The following PER3 variants were observed in gnomAD, a reference collection of about 807,000 sequenced individuals.
PER3 encodes period circadian protein homolog 3.
Under a neutral mutation model 127.2 loss-of-function variants are expected in PER3, and 107 were observed. The observed-to-expected ratio is 0.84, with a 90% CI of 0.72 to 0.99. The LOEUF (loss-of-function observed/expected upper bound fraction) is 0.99. PER3 is among the 50% of genes least tolerant of loss of function. The pLI is 0.00. For missense variants in PER3, 1,560 were observed against 1,525.8 expected, an observed-to-expected ratio of 1.02 and a Z score of -0.37; for synonymous variants, 618 against 585.8, an observed-to-expected ratio of 1.05 and a Z score of -0.79.
At chr1:7,832,838 T>A (rs1026152251) in intron 19 of PER3, among the ~76,000 whole-genome samples, 27 of 135,484 alleles carry the variant, frequency 2.0e-4, no homozygotes, top group Middle Eastern at 7.5e-3. Flanking sequence ...ATCCCTCAAA[T>A]TTTTTTTTTT....
chr1:7,834,118 C>T (rs149664975), intron 19 of PER3, among the ~76,000 whole-genome samples: 1 of 152,126 alleles, frequency 6.6e-6, no homozygotes, highest in Non-Finnish European at 1.5e-5. Context: ...CGGAGTTTCA[C>T]CATGTCAGCC....
chr1:7,785,201 G>A (rs930330818), intron 2 of PER3, among the ~76,000 whole-genome samples, 196 bp downstream of exon 2: 10 of 152,216 alleles, frequency 6.6e-5, no homozygotes, highest in African/African-American at 2.2e-4. Context: ...AGGGAAAAGT[G>A]GTTACAAAAG....
chr1:7,803,924 C>G (rs1440557273), intron 10 of PER3, 76 bp downstream of exon 10: 2 of 1,187,004 alleles, frequency 1.7e-6, no homozygotes, highest in Non-Finnish European at 2.4e-6. Flanking sequence ...TGACTGCCCT[C>G]TGACTCAATT....
In PER3 at chr1:7,842,892, G is replaced by A. The variant is rs1040619711; in HGVS notation, c.*137G>A. The A allele has an allele frequency of 1.4e-4, 83 of 592,948 alleles. No individual in the cohort carries two copies. In the East Asian group the frequency reaches 2.5e-3, roughly 18 times the overall value. The allele number at this position is 592,948 out of a possible 1,614,324, so 36.7% of individuals were successfully genotyped here. A position where few individuals can be genotyped will look rare whatever the true frequency, so the allele number is the denominator to read the frequency against. On this transcript the variant is annotated 3_prime_UTR_variant, in exon 22 of 22. Transcript: ENST00000377532. ...TTTTCTTCTTGATTTTTTAATACAC[G>A]TAATCTTTTTGAAGCAGACATTGTA...
At chr1:7,829,101 G>A (rs2097316478) in intron 18 of PER3, among the ~76,000 whole-genome samples, 1 of 152,188 alleles carries the variant, frequency 6.6e-6, no homozygotes, top group Non-Finnish European at 1.5e-5. Flanking sequence ...ACACGAAGTT[G>A]AAGATCTGCC....
In PER3 at chr1:7,809,729, G is replaced by C. The variant is rs117742910; in HGVS notation, c.1243-164G>C. On this transcript the variant is annotated intron_variant, in intron 11 of 21. Coordinates refer to ENST00000377532, the MANE Select transcript of PER3 (RefSeq NM_001377275.1). ...TGAAAATTGCCGAAATGACAGAGGA[G>C]TGCCTTTCGTGTCAGCATCAGCATT... Among the ~76,000 whole-genome samples, 160 of 152,334 alleles carry C rather than the reference G, an allele frequency of 1.1e-3. 1 individual carries two copies. In the East Asian group the frequency reaches 0.03, roughly 29 times the overall value.
chr1:7,809,241 A>G (rs1161900301), intron 11 of PER3, among the ~76,000 whole-genome samples: 1 of 152,180 alleles, frequency 6.6e-6, no homozygotes, highest in East Asian at 1.9e-4. Flanking sequence ...GACTGAGAGA[A>G]TTATTACATT....
intron 2 of PER3, among the ~76,000 whole-genome samples, chr1:7,785,231 A>G (rs1319349683): frequency 6.6e-6 from 1 of 152,206 alleles, no homozygotes; most frequent in African/African-American, 2.4e-5. Flanking sequence ...TTGGGGCTCA[A>G]GTGGATTAAG....
chr1:7,823,138 TA>T (rs2097285261), intron 16 of PER3, among the ~76,000 whole-genome samples: 7 of 152,150 alleles, frequency 4.6e-5, no homozygotes, highest in Admixed American at 4.6e-4. Context: ...AAGACCTAAC[TA>T]TATGCAAAGT....
rs754497394 is a variant in PER3, at chr1:7,810,036, G to T, written c.1371+15G>T. On this transcript the variant is annotated intron_variant, in intron 12 of 21. Coordinates refer to ENST00000377532, the MANE Select transcript of PER3 (RefSeq NM_001377275.1). ...AGGCGGAGCAGGTGCATGGGCTTAT[G>T]TCACATTCTTATACAGGCATCGTGT... 6.2e-6 allele frequency: 10 copies of T among 1,609,492 alleles called. No individual in the cohort carries two copies. The highest frequency in any genetic ancestry group is 7.6e-6 in the Non-Finnish European group (9 of 1,177,062).
intron 13 of PER3, among the ~76,000 whole-genome samples, chr1:7,814,589 TAGAA>T (rs1045315044): frequency 6.6e-6 from 1 of 152,044 alleles, no homozygotes; most frequent in Admixed American, 6.5e-5. Flanking sequence ...AGGAATTTCT[TAGAA>T]AGAGTATGAT....
intron 3 of PER3, among the ~76,000 whole-genome samples, chr1:7,785,817 C>T (rs1339910732): frequency 6.6e-6 from 1 of 152,198 alleles, no homozygotes; most frequent in Non-Finnish European, 1.5e-5. Flanking sequence ...CAATGTTTTG[C>T]TCATGTGTTG....
rs576867066 is a variant in PER3 at position 7,809,070 on chromosome 1, C to G, written c.1242+72C>G. The G allele has an allele frequency of 8.1e-6, 6 of 742,074 alleles. No individual in the cohort carries two copies. The African/African-American group carries it at 1.1e-4, about 13-fold the overall frequency. The allele number at this position is 742,074 out of a possible 1,614,324, so 46.0% of individuals were successfully genotyped here. On this transcript the variant is annotated intron_variant, in intron 11 of 21. Coordinates refer to ENST00000377532, the MANE Select transcript of PER3 (RefSeq NM_001377275.1). ...GTTTTAATGCTCAGTAAATTCACTT[C>G]ACAAAAATAAACTGTAAAGGGAGAC...
intron 16 of PER3, among the ~76,000 whole-genome samples, chr1:7,822,582 G>A (rs951187454): frequency 6.6e-6 from 1 of 152,102 alleles, no homozygotes; most frequent in Non-Finnish European, 1.5e-5. Context: ...GATGGAATAT[G>A]AGATACAATG....
intron 21 of PER3, among the ~76,000 whole-genome samples, chr1:7,838,021 C>T (rs1450521859): frequency 4.6e-5 from 7 of 152,052 alleles, no homozygotes; most frequent in Admixed American, 4.6e-4. Context: ...GCTATGATCT[C>T]GCCAGTGCAT....
chr1:7,796,426 C>T (rs1195320511), intron 6 of PER3, among the ~76,000 whole-genome samples: 2 of 147,824 alleles, frequency 1.4e-5, no homozygotes, highest in East Asian at 4.1e-4. Flanking sequence ...TCCAACAATT[C>T]TCCCACCTCA....
Position 7,808,974 on chromosome 1 carries a change from A to G in PER3, c.1218A>G (p.Glu406=), listed in dbSNP as rs1425167007. 6.4e-7 allele frequency: 1 copy of G among 1,552,692 alleles called. No homozygotes were observed. The highest frequency in any genetic ancestry group is 2.2e-5 in the East Asian group (1 of 44,510). ...ACAAAGACATAACAGAATTACAAGA[A>G]CAAATTTACAAACTTCTCTTACAGG... is the stretch of plus-strand genomic sequence containing the variant. The part of the protein sequence containing the change: ...DNDKDITELQ[E]QIYKLLLQPV... Residue 406 remains glutamate, a synonymous_variant, in exon 11 of 22, where the codon GAA becomes GAG. Coordinates refer to ENST00000377532, the MANE Select transcript of PER3 (RefSeq NM_001377275.1).
chr1:7,793,600 T>C (rs994479186), intron 5 of PER3, among the ~76,000 whole-genome samples: 5 of 152,336 alleles, frequency 3.3e-5, no homozygotes, highest in African/African-American at 9.6e-5. Flanking sequence ...GTCCAGACTA[T>C]TACAATGGGA....
intron 4 of PER3, chr1:7,787,755 G>A: frequency 2.4e-6 from 1 of 415,358 alleles, no homozygotes. Context: ...CAGGTGTATG[G>A]CACAGTTTGC....
Sources: allele counts gnomAD v4.1 joint callset (sites outside exome capture counted in the v4.1 genomes callset), GRCh38; gene constraint gnomAD v4.1.1; transcripts MANE v1.5; gene names NCBI Gene and HGNC (gene_info 2026-07-23, HGNC 2026-07-21).